FILIP1: variants seen among roughly 807,000 people sequenced by gnomAD.
FILIP1 encodes the protein filamin A interacting protein 1, also known as filamin-A-interacting protein 1.
In FILIP1, 61 loss-of-function variants were observed where a neutral mutation model predicts 102.1. The observed-to-expected ratio is 0.60, with a 90% confidence interval of 0.49 to 0.74. The LOEUF is 0.74. Among genes scored for constraint, FILIP1 ranks in the 30% least tolerant of loss-of-function variants. FILIP1 has a pLI of 0.00. For missense variants in FILIP1, 1,314 were observed against 1,441.2 expected (o/e 0.91, Z 1.43); for synonymous variants, 491 against 526.9 (o/e 0.93, Z 0.93).
At position 75,308,373 on chromosome 6, in the gene FILIP1, T is replaced by A; in HGVS notation, c.*318A>T. 1 of 1,065,456 alleles carries A rather than the reference T, an allele frequency of 9.4e-7. No homozygotes were observed. The highest frequency in any genetic ancestry group is 1.2e-6 in the Non-Finnish European group (1 of 868,996). 66.0% of individuals were successfully genotyped at this position (1,065,456 alleles called of 1,614,324 possible). ...ATGGGAGCCGGACTTGAAGAGCGTG[T>A]GATTGAGTCCCCACATCTAACTGAT... On this transcript the variant is annotated 3_prime_UTR_variant, in exon 6 of 6. Coordinates refer to ENST00000237172, the MANE Select transcript of FILIP1 (RefSeq NM_015687.5).
At chr6:75,300,717 C>T (rs2842461) in intron 6 of FILIP1, among the ~76,000 whole-genome samples, 37,315 of 151,960 alleles carry the variant, frequency 0.25, 5,662 homozygotes, top group East Asian at 0.44. Context: ...AAAATACTTC[C>T]GCTAATAGGT....
rs1775563199 is a variant in FILIP1, at chr6:75,372,621, A to AAAG, written c.277-9705_277-9704insCTT. 7.1e-5 allele frequency among the ~76,000 whole-genome samples: 3 copies of AAAG among 42,230 alleles called. No individual in the cohort carries two copies. In the Admixed American group the frequency reaches 1.1e-3, roughly 15 times the overall value. The allele number at this position is 42,230 out of a possible 152,430, so 27.7% of individuals were successfully genotyped here. ...TATCAAGAAAAGAAAGAAAGAAAGA[A>AAAG]AAAGAAAGAAAGAAAGAAAGAAAGA... On this transcript the variant is annotated intron_variant, in intron 2 of 5. Coordinates refer to ENST00000237172, the MANE Select transcript of FILIP1 (RefSeq NM_015687.5).
intron 2 of FILIP1, among the ~76,000 whole-genome samples, chr6:75,395,671 C>T (rs1338491530): frequency 2.6e-5 from 4 of 152,142 alleles, no homozygotes; most frequent in Non-Finnish European, 4.4e-5. Context: ...ATTAGAGCAT[C>T]GTCCCATCCA....
intron 4 of FILIP1, chr6:75,319,918 T>A: frequency 2.1e-6 from 1 of 469,386 alleles, no homozygotes; most frequent in South Asian, 2.3e-5. Context: ...CCGGACAAGT[T>A]TGCACAAAGA....
intron 3 of FILIP1, among the ~76,000 whole-genome samples, chr6:75,359,727 G>A (rs1468312770): frequency 6.6e-6 from 1 of 152,156 alleles, no homozygotes; most frequent in African/African-American, 2.4e-5. Flanking sequence ...CCTTGAGTCA[G>A]ACAAGTTACT....
chr6:75,434,023 C>G (rs561393383), intron 1 of FILIP1, among the ~76,000 whole-genome samples: 5 of 152,136 alleles, frequency 3.3e-5, no homozygotes, highest in African/African-American at 1.2e-4. Flanking sequence ...ATTTCTGAGG[C>G]CTCTGTTCTG....
intron 4 of FILIP1, among the ~76,000 whole-genome samples, chr6:75,335,146 T>C (rs1404500428): frequency 6.6e-6 from 1 of 152,206 alleles, no homozygotes; most frequent in Non-Finnish European, 1.5e-5. Flanking sequence ...GAGCCTAATC[T>C]ATGATTCAGC....
chr6:75,306,301 CTCCTGTAGATGGTATAGACT>C (rs1470134418), downstream of FILIP1, among the ~76,000 whole-genome samples: 1 of 152,112 alleles, frequency 6.6e-6, no homozygotes, highest in Non-Finnish European at 1.5e-5. Context: ...TCAGAGCACT[CTCCTGTAGATGGTATAGACT>C]TCCTGGAAGA....
chr6:75,335,609 T>A (rs375918326), intron 4 of FILIP1, among the ~76,000 whole-genome samples: 1 of 152,162 alleles, frequency 6.6e-6, no homozygotes, highest in South Asian at 2.1e-4. Flanking sequence ...CATTCCAGTA[T>A]AATTTTTTCT....
chr6:75,423,961 C>T (rs1235119556), intron 1 of FILIP1, among the ~76,000 whole-genome samples: 1 of 152,122 alleles, frequency 6.6e-6, no homozygotes, highest in Non-Finnish European at 1.5e-5. Flanking sequence ...TGTGTTTGAG[C>T]TTAGTTTTAA....
At chr6:75,478,362 C>T (rs1351317507) in intron 1 of FILIP1, among the ~76,000 whole-genome samples, 1 of 152,174 alleles carries the variant, frequency 6.6e-6, no homozygotes, top group African/African-American at 2.4e-5. Context: ...CAAAATGACC[C>T]TGCTGTCAGT....
chr6:75,490,880 C>T (rs1352252676), intron 1 of FILIP1, among the ~76,000 whole-genome samples: 5 of 152,098 alleles, frequency 3.3e-5, no homozygotes, highest in Non-Finnish European at 7.4e-5. Flanking sequence ...TGATTCTATA[C>T]TTATCCATAC....
intron 4 of FILIP1, among the ~76,000 whole-genome samples, chr6:75,342,361 T>A (rs751317075): frequency 2.6e-5 from 4 of 152,188 alleles, no homozygotes; most frequent in Non-Finnish European, 5.9e-5. Context: ...TCAGCACACA[T>A]ACAGATTATT....
chr6:75,425,422 T>G (rs771578381), intron 1 of FILIP1, among the ~76,000 whole-genome samples: 5 of 152,140 alleles, frequency 3.3e-5, no homozygotes, highest in Non-Finnish European at 7.4e-5. Flanking sequence ...TATAAGAAAA[T>G]GAGTCATCAC....
At chr6:75,317,900 G>C (rs1471423430) in intron 4 of FILIP1, among the ~76,000 whole-genome samples, 6 of 152,172 alleles carry the variant, frequency 3.9e-5, no homozygotes, top group Non-Finnish European at 7.3e-5. Context: ...TGGAAGGCCT[G>C]CCAATGCCTT....
In FILIP1 at chr6:75,314,115, C is replaced by G; in HGVS notation, c.1717G>C (p.Asp573His). ...CTTTTCAATTTGCCTATCAACTCATCTCTTTCTCTTGTCAAGTTGTATACT... is the reference window on the plus strand; with the variant it reads ...CTTTTCAATTTGCCTATCAACTCATGTCTTTCTCTTGTCAAGTTGTATACT... The part of the protein sequence containing the change: ...EKVYNLTRER[D>H]ELIGKLKSEE... The change falls in exon 5 of 6, where the codon GAT (aspartate) becomes CAT (histidine). Residue 573 changes from aspartate to histidine, a missense_variant. Asp to His is a moderately conservative substitution (Grantham distance 81). This residue lies in a region of FILIP1 where 816 missense variants were observed against 913.1 expected (regional missense o/e 0.89). Transcript: ENST00000237172. 6.6e-7 allele frequency: 1 copy of G among 1,512,174 alleles called. No homozygotes were observed. The highest frequency in any genetic ancestry group is 8.8e-7 in the Non-Finnish European group (1 of 1,139,454). 93.7% of individuals were successfully genotyped at this position (1,512,174 alleles called of 1,614,324 possible).
At chr6:75,320,583 A>C (rs749273280) in intron 4 of FILIP1, among the ~76,000 whole-genome samples, 16 of 152,204 alleles carry the variant, frequency 1.1e-4, no homozygotes, top group Non-Finnish European at 1.9e-4. Flanking sequence ...TCTCAAAAAA[A>C]AGAAAAAAAG....
chr6:75,375,817 A>G (rs1360627122), intron 2 of FILIP1, among the ~76,000 whole-genome samples: 3 of 152,250 alleles, frequency 2.0e-5, no homozygotes, highest in Admixed American at 2.0e-4. Flanking sequence ...AGCCTCTGAC[A>G]TAAGTGAATT....
chr6:75,384,909 C>T (rs1776033539), intron 2 of FILIP1: 1 of 151,176 alleles, frequency 6.6e-6, no homozygotes, highest in Non-Finnish European at 1.5e-5. Context: ...ATCCCCGCGC[C>T]TCAGCCTCCC....
Sources: allele counts gnomAD v4.1 joint callset (sites outside exome capture counted in the v4.1 genomes callset), GRCh38; gene constraint gnomAD v4.1.1; regional missense constraint gnomAD v4.1.1; transcripts MANE v1.5; gene names NCBI Gene and HGNC (gene_info 2026-07-23, HGNC 2026-07-21).